The following ADAMTSL1 variants were observed in gnomAD, a reference collection of about 807,000 sequenced individuals.
ADAMTSL1 encodes ADAMTS-like protein 1.
In ADAMTSL1, 126 loss-of-function variants were observed where a neutral mutation model predicts 201.8. The ratio of observed to expected loss-of-function variants is 0.62; its 90% CI spans 0.54 to 0.72. ADAMTSL1 has a LOEUF of 0.72. Among genes scored for constraint, ADAMTSL1 ranks in the 30% least tolerant of loss-of-function variants. The probability of loss-of-function intolerance (pLI) is 0.00; values close to 1 mark genes in which losing one functional copy is unlikely to be tolerated. For synonymous variants in ADAMTSL1, 1,121 were observed against 903.4 expected, an observed-to-expected ratio of 1.24 and a Z score of -4.32; for missense variants, 2,679 against 2,277.8, an observed-to-expected ratio of 1.18 and a Z score of -3.59.
chr9:17,950,986 AG>A (rs1827709045), intron 1 of ADAMTSL1, among the ~76,000 whole-genome samples: 1 of 152,116 alleles, frequency 6.6e-6, no homozygotes, highest in Admixed American at 6.5e-5. Context: ...AGCTGTCTAG[AG>A]AGGCCTCATA....
intron 1 of ADAMTSL1, among the ~76,000 whole-genome samples, chr9:18,161,065 C>A (rs1827367578): frequency 6.6e-6 from 1 of 151,738 alleles, no homozygotes; most frequent in Non-Finnish European, 1.5e-5. Flanking sequence ...AATTGAACAT[C>A]TTGATATGTA....
At chr9:17,940,050 C>T (rs554663333) in intron 1 of ADAMTSL1, among the ~76,000 whole-genome samples, 7 of 151,994 alleles carry the variant, frequency 4.6e-5, no homozygotes, top group African/African-American at 1.2e-4. Context: ...GAGGATGAAA[C>T]AATAGGTGTG....
intron 1 of ADAMTSL1, among the ~76,000 whole-genome samples, chr9:18,080,780 T>C (rs1823464671): frequency 6.6e-6 from 1 of 152,240 alleles, no homozygotes. Flanking sequence ...GTAGATTTTC[T>C]GGTTCTAAGT....
chr9:18,085,242 C>T (rs1304896642), intron 1 of ADAMTSL1, among the ~76,000 whole-genome samples: 1 of 152,000 alleles, frequency 6.6e-6, no homozygotes, highest in East Asian at 1.9e-4. Flanking sequence ...GAACTAATGC[C>T]CATATTGCCT....
At chr9:18,005,233 A>G (rs1819764910) in intron 1 of ADAMTSL1, among the ~76,000 whole-genome samples, 2 of 152,068 alleles carry the variant, frequency 1.3e-5, no homozygotes, top group Admixed American at 1.3e-4. Flanking sequence ...AGACAAGTCT[A>G]TAGGGAAGAA....
chr9:17,977,985 G>A (rs1451217972), intron 1 of ADAMTSL1, among the ~76,000 whole-genome samples: 1 of 151,946 alleles, frequency 6.6e-6, no homozygotes, highest in Non-Finnish European at 1.5e-5. Flanking sequence ...TCATATGGGT[G>A]CTTCAGTGTG....
intron 2 of ADAMTSL1, among the ~76,000 whole-genome samples, chr9:18,359,838 C>G (rs1244791232): frequency 7.0e-5 from 9 of 127,776 alleles, no homozygotes; most frequent in Non-Finnish European, 1.5e-4. Flanking sequence ...CCCCCCCGCC[C>G]ACACAAAATG....
At chr9:18,531,983 A>C (rs1266618208) in intron 2 of ADAMTSL1, among the ~76,000 whole-genome samples, 1 of 152,160 alleles carries the variant, frequency 6.6e-6, no homozygotes, top group Non-Finnish European at 1.5e-5. Flanking sequence ...ATGGTACTCT[A>C]TCTCTCCGGG....
At chr9:18,890,461 T>TG (rs889549264) in intron 25 of ADAMTSL1, 2 of 455,286 alleles carry the variant, frequency 4.4e-6, no homozygotes, top group African/African-American at 4.0e-5. Flanking sequence ...GCTGAGAGCC[T>TG]GGGGGGATGT....
intron 2 of ADAMTSL1, among the ~76,000 whole-genome samples, chr9:18,390,846 C>G (rs1014721842): frequency 7.2e-5 from 11 of 151,998 alleles, no homozygotes; most frequent in African/African-American, 2.4e-4. Flanking sequence ...CAATGAGGAC[C>G]CACAGAATTT....
At chr9:18,248,404 C>A (rs1831341725) in intron 2 of ADAMTSL1, among the ~76,000 whole-genome samples, 1 of 152,226 alleles carries the variant, frequency 6.6e-6, no homozygotes, top group Admixed American at 6.5e-5. Flanking sequence ...CAAGAAAAGC[C>A]AAGGTGTATT....
At chr9:18,095,140 C>A (rs1336762299) in intron 1 of ADAMTSL1, among the ~76,000 whole-genome samples, 1 of 152,094 alleles carries the variant, frequency 6.6e-6, no homozygotes, top group Non-Finnish European at 1.5e-5. Context: ...CCACCTGAGA[C>A]CTTCTGAATC....
intron 1 of ADAMTSL1, among the ~76,000 whole-genome samples, chr9:18,095,858 A>G (rs949406545): frequency 6.6e-6 from 1 of 152,190 alleles, no homozygotes; most frequent in African/African-American, 2.4e-5. Flanking sequence ...TGAAGATCCA[A>G]ATCTGAGAGT....
At chr9:18,746,704 C>T (rs1364605366) in intron 15 of ADAMTSL1, among the ~76,000 whole-genome samples, 1 of 150,946 alleles carries the variant, frequency 6.6e-6, no homozygotes, top group East Asian at 1.9e-4. Context: ...CAACAGTCAT[C>T]ACCCTCTCTG....
intron 1 of ADAMTSL1, among the ~76,000 whole-genome samples, chr9:18,019,793 T>A (rs977271797): frequency 1.3e-5 from 2 of 152,058 alleles, no homozygotes; most frequent in African/African-American, 4.8e-5. Context: ...CAGGAAAAAC[T>A]GTTCAGTTAC....
chr9:18,493,840 C>A (rs1822384813), intron 1 of ADAMTSL1, among the ~76,000 whole-genome samples: 1 of 152,204 alleles, frequency 6.6e-6, no homozygotes, highest in Non-Finnish European at 1.5e-5. Context: ...TTTGTCCTAA[C>A]CTGCCTTGTG....
intron 6 of ADAMTSL1, among the ~76,000 whole-genome samples, chr9:18,639,021 A>C (rs1053711131): frequency 2.0e-5 from 3 of 152,124 alleles, no homozygotes; most frequent in Non-Finnish European, 4.4e-5. Flanking sequence ...TTTTGACAGG[A>C]ACCCTTGAAT....
At chr9:17,953,377 A>G (rs1448783730) in intron 1 of ADAMTSL1, among the ~76,000 whole-genome samples, 2 of 152,150 alleles carry the variant, frequency 1.3e-5, no homozygotes, top group East Asian at 3.9e-4. Context: ...GCTTGTCCCT[A>G]TTTATTAAAA....
chr9:18,286,036 T>A (rs1338827042), intron 2 of ADAMTSL1, among the ~76,000 whole-genome samples: 1 of 139,484 alleles, frequency 7.2e-6, no homozygotes, highest in Non-Finnish European at 1.5e-5. Flanking sequence ...GGTTACTTTC[T>A]CTCTCTCTCT....
Sources: allele counts gnomAD v4.1 joint callset (sites outside exome capture counted in the v4.1 genomes callset), GRCh38; gene constraint gnomAD v4.1.1; transcripts MANE v1.5; gene names NCBI Gene and HGNC (gene_info 2026-07-23, HGNC 2026-07-21).